Variants in DENND6A observed in about 807,000 individuals in gnomAD.
DENND6A encodes DENN domain containing 6A, also known as protein DENND6A.
In DENND6A, 43 loss-of-function variants were observed where a neutral mutation model predicts 95.5. The observed-to-expected ratio is 0.45, with a 90% confidence interval of 0.35 to 0.58. The LOEUF (loss-of-function observed/expected upper bound fraction) is 0.58. Ranked by LOEUF, DENND6A falls within the 20% of genes least tolerant of loss-of-function variation. The pLI, the probability that DENND6A is intolerant of heterozygous loss-of-function variation, is 0.00. For missense variants in DENND6A, 574 were observed against 736.0 expected, an observed-to-expected ratio of 0.78 and a Z score of 2.55; for synonymous variants, 257 against 260.4, an observed-to-expected ratio of 0.99 and a Z score of 0.13.
intron 9 of DENND6A, among the ~76,000 whole-genome samples, chr3:57,653,955 T>C (rs1401739182): frequency 3.1e-5 from 4 of 127,798 alleles, no homozygotes; most frequent in Non-Finnish European, 5.1e-5. Context: ...TTTTTTTTTT[T>C]TTTTTTTTTT....
intron 9 of DENND6A, among the ~76,000 whole-genome samples, chr3:57,655,928 C>A (rs2071315713): frequency 6.6e-6 from 1 of 152,152 alleles, no homozygotes; most frequent in Non-Finnish European, 1.5e-5. Flanking sequence ...GCCAATTCTG[C>A]AAATTATTCC....
chr3:57,649,615 CATCA>C (rs1413154578), intron 9 of DENND6A, among the ~76,000 whole-genome samples: 2 of 149,532 alleles, frequency 1.3e-5, no homozygotes, highest in Admixed American at 1.4e-4. Flanking sequence ...CCCAAATGCC[CATCA>C]ATCAATGAGT....
intron 4 of DENND6A, 145 bp downstream of exon 4, chr3:57,665,978 A>C (rs1464381210): frequency 1.8e-6 from 1 of 546,764 alleles, no homozygotes; most frequent in East Asian, 3.0e-5. Flanking sequence ...AATCCTTATG[A>C]ATAAGACTCA....
chr3:57,631,351 C>A (rs2070668823), intron 15 of DENND6A, among the ~76,000 whole-genome samples: 1 of 152,140 alleles, frequency 6.6e-6, no homozygotes, highest in Non-Finnish European at 1.5e-5. Flanking sequence ...CGTGCGCCAC[C>A]ACGCCTGGCT....
chr3:57,672,442 G>A lies in DENND6A; in HGVS notation c.238-4C>T. ...TGGAATGCTGAGGATAAATTACCTGGAAGAAAAGAGTTAAATTTTGTTAAA... is the reference window on the plus strand; with the variant it reads ...TGGAATGCTGAGGATAAATTACCTGAAAGAAAAGAGTTAAATTTTGTTAAA... On this transcript the variant is annotated splice_polypyrimidine_tract_variant and splice_region_variant and intron_variant, in intron 1 of 19. Transcript: ENST00000311128. 6.2e-7 allele frequency: 1 copy of A among 1,611,134 alleles called. No individual in the cohort carries two copies. The highest frequency in any genetic ancestry group is 8.5e-7 in the Non-Finnish European group (1 of 1,178,682).
intron 3 of DENND6A, 66 bp downstream of exon 3, chr3:57,672,190 C>T: frequency 1.4e-6 from 2 of 1,407,904 alleles, no homozygotes; most frequent in South Asian, 2.6e-5. Context: ...AATTTTCATA[C>T]ATTAACAGTA....
chr3:57,656,968 G>T (rs932445022), intron 9 of DENND6A, among the ~76,000 whole-genome samples: 1 of 151,880 alleles, frequency 6.6e-6, no homozygotes, highest in Non-Finnish European at 1.5e-5. Flanking sequence ...AAAAATAAAA[G>T]AAAAAAGATC....
At chr3:57,662,676 C>T (rs6768120) in intron 5 of DENND6A, among the ~76,000 whole-genome samples, 1,642 of 151,984 alleles carry the variant, frequency 0.011, 18 homozygotes, top group African/African-American at 0.036. Flanking sequence ...AAATGTAAAA[C>T]TTAAGTGGAC....
intron 12 of DENND6A, among the ~76,000 whole-genome samples, chr3:57,635,499 AC>A (rs945096762): frequency 6.6e-6 from 1 of 152,046 alleles, no homozygotes; most frequent in African/African-American, 2.4e-5. Context: ...GATTTTCTCC[AC>A]CCTCCCTCTT....
intron 12 of DENND6A, among the ~76,000 whole-genome samples, chr3:57,636,469 CACAGTCTA>C (rs2070794726): frequency 6.6e-6 from 1 of 152,110 alleles, no homozygotes; most frequent in Admixed American, 6.5e-5. Context: ...ATCAATGAGC[CACAGTCTA>C]ACAGCAAAAT....
intron 9 of DENND6A, among the ~76,000 whole-genome samples, chr3:57,648,848 T>C (rs2071134029): frequency 6.6e-6 from 1 of 152,126 alleles, no homozygotes; most frequent in South Asian, 2.1e-4. Flanking sequence ...TCATCTCTCA[T>C]CCTTTACAAA....
chr3:57,658,245 AAAAG>A (rs940710665), intron 8 of DENND6A, among the ~76,000 whole-genome samples: 5 of 151,990 alleles, frequency 3.3e-5, no homozygotes, highest in African/African-American at 1.2e-4. Context: ...CAAAAAAAAA[AAAAG>A]AATTAATCCC....
Position 57,636,658 on chromosome 3 carries a change from C to T in DENND6A, c.1133-1889G>A, listed in dbSNP as rs186694775. Among the ~76,000 whole-genome samples the T allele has an allele frequency of 3.4e-4, 52 of 152,108 alleles. 1 individual carries two copies. The Middle Eastern group carries it at 0.024, about 70-fold the overall frequency. Reference sequence around the variant, plus strand: ...CTTGTAAGAGAGATAAAAAGTTGGCCGGGCGTGGTGGCTCACGCCTGTAAT... The same window carrying T: ...CTTGTAAGAGAGATAAAAAGTTGGCTGGGCGTGGTGGCTCACGCCTGTAAT... On this transcript the variant is annotated intron_variant, in intron 12 of 19. Transcript: ENST00000311128.
chr3:57,631,484 G>A (rs914252096), intron 15 of DENND6A, among the ~76,000 whole-genome samples: 9 of 151,646 alleles, frequency 5.9e-5, no homozygotes, highest in East Asian at 2.0e-4. Context: ...GTGAACTACC[G>A]CGCCCAACAA....
chr3:57,687,616 A>G (rs2077222152), intron 1 of DENND6A, among the ~76,000 whole-genome samples: 1 of 152,206 alleles, frequency 6.6e-6, no homozygotes, highest in Admixed American at 6.5e-5. Context: ...AGAAAAGTCA[A>G]TACCTGGCTT....
intron 1 of DENND6A, among the ~76,000 whole-genome samples, chr3:57,691,509 G>C (rs1352113612): frequency 1.3e-5 from 2 of 152,030 alleles, no homozygotes; most frequent in African/African-American, 4.8e-5. Context: ...CTGGTTCTTA[G>C]TGGAAACTTA....
chr3:57,686,095 A>G (rs748157367), intron 1 of DENND6A, among the ~76,000 whole-genome samples: 15 of 152,240 alleles, frequency 9.9e-5, no homozygotes, highest in Admixed American at 2.6e-4. Context: ...GATAAGAAGA[A>G]CAAAATAAAT....
chr3:57,663,497 T>TATACACAC lies in DENND6A; in HGVS notation c.513+138_513+139insGTGTGTAT, dbSNP rs762391000. On this transcript the variant is annotated intron_variant, in intron 5 of 19. Coordinates refer to ENST00000311128, the MANE Select transcript of DENND6A (RefSeq NM_152678.3). ...AAAAAAAAAAAAAAAAATATATATA[T>TATACACAC]ACACACACACACACACATATATATA... 7.3e-5 allele frequency: 11 copies of TATACACAC among 150,056 alleles called. No homozygotes were observed. In the East Asian group the frequency reaches 1.2e-3, roughly 17 times the overall value. 9.3% of individuals were successfully genotyped at this position (150,056 alleles called of 1,614,324 possible). A position where few individuals can be genotyped will look rare whatever the true frequency, so the allele number is the denominator to read the frequency against.
At chr3:57,650,024 A>G (rs1315324511) in intron 9 of DENND6A, among the ~76,000 whole-genome samples, 1 of 152,048 alleles carries the variant, frequency 6.6e-6, no homozygotes, top group Non-Finnish European at 1.5e-5. Flanking sequence ...CCATTATTCT[A>G]AAGTAACTTA....
Sources: gnomAD v4.1 joint callset for allele counts (sites outside exome capture counted in the v4.1 genomes callset) on GRCh38, gnomAD v4.1.1 for gene constraint, MANE v1.5 for transcripts, NCBI Gene and HGNC (gene_info 2026-07-23, HGNC 2026-07-21) for gene names.